INPP4B: variants seen among roughly 807,000 people sequenced by gnomAD.
INPP4B encodes inositol polyphosphate 4-phosphatase type II.
Under a neutral mutation model 122.5 loss-of-function variants are expected in INPP4B, and 55 were observed. That is an observed-to-expected ratio of 0.45 (90% CI 0.36 to 0.56). The LOEUF is 0.56. Among genes scored for constraint, INPP4B ranks in the 20% least tolerant of loss-of-function variants. The pLI is 0.00. For missense variants in INPP4B, 1,000 were observed against 1,097.7 expected, an observed-to-expected ratio of 0.91 and a Z score of 1.26; for synonymous variants, 403 against 388.7, an observed-to-expected ratio of 1.04 and a Z score of -0.43.
intron 11 of INPP4B, among the ~76,000 whole-genome samples, chr4:142,241,244 G>A (rs1215638019): frequency 6.6e-6 from 1 of 151,330 alleles, no homozygotes; most frequent in Non-Finnish European, 1.5e-5. Context: ...TTTTTTTACT[G>A]CTTTTGCCAT....
chr4:142,643,083 G>A (rs533413492), intron 2 of INPP4B, among the ~76,000 whole-genome samples: 7 of 152,274 alleles, frequency 4.6e-5, no homozygotes, highest in Admixed American at 1.3e-4. Context: ...TGTTATTGGT[G>A]TATAAGAATG....
chr4:142,199,893 C>A (rs1478526020), intron 14 of INPP4B, among the ~76,000 whole-genome samples: 1 of 151,996 alleles, frequency 6.6e-6, no homozygotes, highest in Non-Finnish European at 1.5e-5. Context: ...AGTTAATTCT[C>A]CCCTGGAAAG....
At chr4:142,290,735 T>C (rs1321133754) in intron 9 of INPP4B, among the ~76,000 whole-genome samples, 1 of 152,130 alleles carries the variant, frequency 6.6e-6, no homozygotes, top group Non-Finnish European at 1.5e-5. Context: ...TCCAATGAGA[T>C]TGGCACTGAT....
intron 11 of INPP4B, among the ~76,000 whole-genome samples, chr4:142,243,732 A>C (rs1004212976): frequency 1.3e-5 from 2 of 152,224 alleles, no homozygotes; most frequent in Non-Finnish European, 2.9e-5. Context: ...ATCAGGACTC[A>C]AAATGAGTAT....
At chr4:142,550,489 T>G (rs1727697266) in intron 2 of INPP4B, among the ~76,000 whole-genome samples, 1 of 151,892 alleles carries the variant, frequency 6.6e-6, no homozygotes, top group Non-Finnish European at 1.5e-5. Context: ...AGAGTTCAAC[T>G]TCTCTGAGAT....
chr4:142,767,091 T>A (rs1390797184), intron 1 of INPP4B, among the ~76,000 whole-genome samples: 1 of 152,202 alleles, frequency 6.6e-6, no homozygotes. Flanking sequence ...TAAACGCTCA[T>A]TCCACTTTTC....
chr4:142,397,384 C>T (rs1799689878), intron 7 of INPP4B, among the ~76,000 whole-genome samples: 1 of 152,140 alleles, frequency 6.6e-6, no homozygotes, highest in African/African-American at 2.4e-5. Flanking sequence ...GTAATAACAG[C>T]TATTTTTTTT....
intron 12 of INPP4B, among the ~76,000 whole-genome samples, chr4:142,213,104 G>A (rs771872708): frequency 6.6e-6 from 1 of 152,166 alleles, no homozygotes; most frequent in Non-Finnish European, 1.5e-5. Flanking sequence ...ATTATGTGGG[G>A]CACCATATCA....
rs530628042 is a variant in INPP4B at position 142,721,427 on chromosome 4, G to A, written c.-191+4412C>T. Among the ~76,000 whole-genome samples the A allele has an allele frequency of 5.3e-5, 8 of 152,306 alleles. No individual in the cohort carries two copies. In the East Asian group the frequency reaches 1.4e-3, roughly 26 times the overall value. On this transcript the variant is annotated intron_variant, in intron 2 of 25. Transcript: ENST00000262992. ...TGATGTATGGAGTGGCACAAAGCCA[G>A]TAAGTGATAAAATTAAGCTGTCTCC... is the stretch of plus-strand genomic sequence containing the variant.
At chr4:142,648,198 C>G (rs949493053) in intron 2 of INPP4B, among the ~76,000 whole-genome samples, 1 of 152,218 alleles carries the variant, frequency 6.6e-6, no homozygotes, top group African/African-American at 2.4e-5. Context: ...TATGAAAGTG[C>G]CTTCCAAGAT....
At chr4:142,606,103 A>G (rs948046682) in intron 2 of INPP4B, among the ~76,000 whole-genome samples, 1 of 152,008 alleles carries the variant, frequency 6.6e-6, no homozygotes, top group Non-Finnish European at 1.5e-5. Flanking sequence ...AGCAACATGG[A>G]TGGAACTGGA....
chr4:142,270,893 C>T, intron 9 of INPP4B, 119 bp from the exon 10 acceptor site: 1 of 676,216 alleles, frequency 1.5e-6, no homozygotes, highest in Non-Finnish European at 2.7e-6. Flanking sequence ...AAGACAACAT[C>T]TGCATAAAAC....
intron 5 of INPP4B, among the ~76,000 whole-genome samples, chr4:142,414,876 T>G (rs1475130801): frequency 6.6e-6 from 1 of 152,226 alleles, no homozygotes. Flanking sequence ...GTTTGCAGCT[T>G]TCTGCTGCTC....
intron 7 of INPP4B, among the ~76,000 whole-genome samples, chr4:142,356,304 G>T (rs1208703151): frequency 6.7e-6 from 1 of 149,248 alleles, no homozygotes; most frequent in African/African-American, 2.5e-5. Flanking sequence ...AATAAGAAAG[G>T]GTAATTCAAC....
At chr4:142,448,618 A>C (rs1435647343) in intron 3 of INPP4B, among the ~76,000 whole-genome samples, 2 of 152,148 alleles carry the variant, frequency 1.3e-5, no homozygotes, top group African/African-American at 4.8e-5. Flanking sequence ...GAAAAGGTAA[A>C]ACCAGAAACA....
intron 25 of INPP4B, among the ~76,000 whole-genome samples, chr4:142,062,210 C>T (rs1311253121): frequency 1.3e-5 from 2 of 151,976 alleles, no homozygotes; most frequent in African/African-American, 4.8e-5. Flanking sequence ...AAGGGAACAT[C>T]CTATGGCATC....
intron 2 of INPP4B, among the ~76,000 whole-genome samples, chr4:142,555,887 A>AAG (rs1188731447): frequency 2.0e-5 from 3 of 151,248 alleles, no homozygotes; most frequent in Non-Finnish European, 4.4e-5. Context: ...AAAAAAAAAA[A>AAG]TTAAAAAGCA....
At chr4:142,273,443 G>A (rs926851690) in intron 9 of INPP4B, among the ~76,000 whole-genome samples, 6 of 151,904 alleles carry the variant, frequency 3.9e-5, no homozygotes, top group Non-Finnish European at 8.8e-5. Context: ...CAAAGACTTT[G>A]TAATAAGAGG....
At chr4:142,035,679 T>C (rs892219721) in intron 25 of INPP4B, among the ~76,000 whole-genome samples, 3 of 152,206 alleles carry the variant, frequency 2.0e-5, no homozygotes, top group African/African-American at 7.2e-5. Context: ...TAAACAATAG[T>C]CATAATTATG....
Sources: gnomAD v4.1 joint callset for allele counts (sites outside exome capture counted in the v4.1 genomes callset) on GRCh38, gnomAD v4.1.1 for gene constraint, MANE v1.5 for transcripts, NCBI Gene and HGNC (gene_info 2026-07-23, HGNC 2026-07-21) for gene names.